Variants in ZFPM2 observed in about 807,000 individuals in gnomAD.
ZFPM2 encodes zinc finger protein ZFPM2.
In ZFPM2, 20 loss-of-function variants were observed where a neutral mutation model predicts 98.6. That is an observed-to-expected ratio of 0.20 (90% CI 0.14 to 0.29). ZFPM2 has a LOEUF of 0.29. ZFPM2 is among the 10% of genes least tolerant of loss of function. The probability of loss-of-function intolerance (pLI) is 1.00; values close to 1 mark genes in which losing one functional copy is unlikely to be tolerated. For missense variants in ZFPM2, 1,310 were observed against 1,388.6 expected (o/e 0.94, Z 0.90); for synonymous variants, 518 against 502.7 (o/e 1.03, Z -0.41).
At chr8:105,367,931 A>G (rs1810540298) in intron 1 of ZFPM2, among the ~76,000 whole-genome samples, 1 of 23,516 alleles carries the variant, frequency 4.3e-5, no homozygotes, top group African/African-American at 1.4e-4. Context: ...AGTTTTTAGC[A>G]TGAAGCGTTG....
At chr8:105,415,396 G>A (rs771721179) in intron 1 of ZFPM2, among the ~76,000 whole-genome samples, 4 of 152,030 alleles carry the variant, frequency 2.6e-5, no homozygotes, top group Non-Finnish European at 5.9e-5. Flanking sequence ...CAATTGAAGA[G>A]CTGAAATTCA....
At chr8:105,738,951 A>C (rs1329007242) in intron 5 of ZFPM2, among the ~76,000 whole-genome samples, 6 of 152,078 alleles carry the variant, frequency 3.9e-5, no homozygotes, top group African/African-American at 1.4e-4. Flanking sequence ...TTCAGAACTC[A>C]TGCATTTTTT....
chr8:105,752,809 C>G (rs1035752547), intron 5 of ZFPM2, among the ~76,000 whole-genome samples: 1 of 151,782 alleles, frequency 6.6e-6, no homozygotes, highest in Non-Finnish European at 1.5e-5. Flanking sequence ...AATAGAAAAC[C>G]TTTTTTTCCC....
intron 4 of ZFPM2, among the ~76,000 whole-genome samples, chr8:105,592,203 G>T (rs758474273): frequency 4.6e-5 from 7 of 152,050 alleles, no homozygotes; most frequent in Non-Finnish European, 7.4e-5. Context: ...TTTACTCTCG[G>T]TAATTGCCTG....
intron 1 of ZFPM2, among the ~76,000 whole-genome samples, chr8:105,326,978 AT>A (rs1258405698): frequency 7.3e-5 from 11 of 151,404 alleles, no homozygotes. Flanking sequence ...TTGTATTTAA[AT>A]TTTAAAATGA....
At chr8:105,703,251 T>G (rs1434787932) in intron 5 of ZFPM2, among the ~76,000 whole-genome samples, 1 of 152,212 alleles carries the variant, frequency 6.6e-6, no homozygotes, top group Non-Finnish European at 1.5e-5. Context: ...GAGCACCCAC[T>G]GTCTACTTGG....
intron 4 of ZFPM2, among the ~76,000 whole-genome samples, chr8:105,604,085 C>T (rs769897568): frequency 6.6e-6 from 1 of 152,012 alleles, no homozygotes; most frequent in Non-Finnish European, 1.5e-5. Flanking sequence ...CTTGACATCA[C>T]TGTATCACAA....
At chr8:105,580,152 G>A (rs112458400) in intron 4 of ZFPM2, among the ~76,000 whole-genome samples, 257 of 152,224 alleles carry the variant, frequency 1.7e-3, no homozygotes, top group African/African-American at 5.7e-3. Flanking sequence ...TTCTTTGGTC[G>A]AATTGAAAGA....
chr8:105,467,443 T>C (rs1812815258), intron 3 of ZFPM2, among the ~76,000 whole-genome samples: 1 of 152,058 alleles, frequency 6.6e-6, no homozygotes, highest in Non-Finnish European at 1.5e-5. Flanking sequence ...TCACGACTAC[T>C]GGAAATAACT....
Position 105,727,197 on chromosome 8 carries a change from A to G in ZFPM2, c.533-61521A>G, listed in dbSNP as rs533334197. On this transcript the variant is annotated intron_variant, in intron 5 of 7. Coordinates refer to ENST00000407775, the MANE Select transcript of ZFPM2 (RefSeq NM_012082.4). Reference sequence around the variant, plus strand: ...GAACAGCATAATTGCTGGGTACAAGAGTACACACCCTTAGTTCCAACTACT... The same window carrying G: ...GAACAGCATAATTGCTGGGTACAAGGGTACACACCCTTAGTTCCAACTACT... Among the ~76,000 whole-genome samples the G allele has an allele frequency of 2.6e-5, 4 of 151,224 alleles. No homozygotes were observed. The South Asian group carries it at 8.4e-4, about 32-fold the overall frequency.
At chr8:105,544,173 G>A (rs765435909) in intron 3 of ZFPM2, among the ~76,000 whole-genome samples, 2 of 151,980 alleles carry the variant, frequency 1.3e-5, no homozygotes, top group Non-Finnish European at 1.5e-5. Flanking sequence ...CTTAATAATA[G>A]GATCACAAAA....
chr8:105,352,352 A>G (rs534384440), intron 1 of ZFPM2, among the ~76,000 whole-genome samples: 159 of 152,306 alleles, frequency 1.0e-3, no homozygotes, highest in Non-Finnish European at 2.0e-3. Flanking sequence ...TTAATACACA[A>G]TAACAATATC....
intron 1 of ZFPM2, among the ~76,000 whole-genome samples, chr8:105,347,279 A>G (rs896891553): frequency 7.2e-5 from 11 of 152,208 alleles, no homozygotes; most frequent in African/African-American, 1.9e-4. Context: ...AAAAGCCTAT[A>G]TGAAACATAA....
chr8:105,443,328 A>AAAAAAAAC lies in ZFPM2; in HGVS notation c.200-945_200-944insCAAAAAAA, dbSNP rs1554605256. 2.3e-3 allele frequency among the ~76,000 whole-genome samples: 344 copies of AAAAAAAAC among 146,426 alleles called. 19 individuals are homozygous for AAAAAAAAC. Among genetic ancestry groups the AAAAAAAAC allele is most frequent in the African/African-American group, 8.5e-3 (331 of 38,934 alleles). ...ACTCCTTCTCAAAAAACAAAAAACA[A>AAAAAAAAC]AAAAAAAAAAACTTGGCATTATTAA... On this transcript the variant is annotated intron_variant, in intron 2 of 7. Transcript: ENST00000407775.
At chr8:105,494,933 C>T (rs1012347041) in intron 3 of ZFPM2, among the ~76,000 whole-genome samples, 92 of 152,264 alleles carry the variant, frequency 6.0e-4, no homozygotes, top group Middle Eastern at 3.4e-3. Context: ...AAATTCAAAA[C>T]TTTATTTGTG....
rs766481312 is a variant in ZFPM2, at chr8:105,485,701, G to A, written c.301+41320G>A. Among the ~76,000 whole-genome samples, 2 of 152,212 alleles carry A rather than the reference G, an allele frequency of 1.3e-5. 1 individual carries two copies. The highest frequency in any genetic ancestry group is 4.1e-4 in the South Asian group (2 of 4,826). Reference sequence around the variant, plus strand: ...ACTCTAAAAGAAGCTGTAGGACTTTGTTAAAGATTTCAAGAGCAAAGACAG... The same window carrying A: ...ACTCTAAAAGAAGCTGTAGGACTTTATTAAAGATTTCAAGAGCAAAGACAG... On this transcript the variant is annotated intron_variant, in intron 3 of 7. Transcript: ENST00000407775.
chr8:105,489,448 T>TATATATATATATATATATATA (rs1489973438), intron 3 of ZFPM2, among the ~76,000 whole-genome samples: 13 of 108,810 alleles, frequency 1.2e-4, no homozygotes, highest in Admixed American at 3.8e-4. Flanking sequence ...ATATATGTTT[T>TATATATATATATATATATATA]TATATATATA....
intron 1 of ZFPM2, among the ~76,000 whole-genome samples, chr8:105,403,572 G>A (rs1336518904): frequency 1.3e-5 from 2 of 151,776 alleles, no homozygotes; most frequent in Non-Finnish European, 2.9e-5. Flanking sequence ...GGAGAAGAAA[G>A]TTGAGTCTTT....
chr8:105,383,221 A>T (rs139695193), intron 1 of ZFPM2, among the ~76,000 whole-genome samples: 1 of 152,254 alleles, frequency 6.6e-6, no homozygotes, highest in African/African-American at 2.4e-5. Context: ...GTTAATAAAC[A>T]TATTAGCATA....
Sources: gnomAD v4.1 joint callset for allele counts (sites outside exome capture counted in the v4.1 genomes callset) on GRCh38, gnomAD v4.1.1 for gene constraint, MANE v1.5 for transcripts, NCBI Gene and HGNC (gene_info 2026-07-23, HGNC 2026-07-21) for gene names.